INSYN2B: variants seen among roughly 807,000 people sequenced by gnomAD.
INSYN2B encodes protein INSYN2B.
INSYN2B carries 16 observed loss-of-function variants against 41.2 expected under a neutral mutation model. The observed-to-expected ratio is 0.39, with a 90% CI of 0.26 to 0.59. The LOEUF (loss-of-function observed/expected upper bound fraction) is 0.59, where lower values mean the gene tolerates loss of function less well. Among genes scored for constraint, INSYN2B ranks in the 20% least tolerant of loss-of-function variants. The probability of loss-of-function intolerance (pLI) is 0.57; values close to 1 mark genes in which losing one functional copy is unlikely to be tolerated. For missense variants in INSYN2B, 608 were observed against 646.4 expected (o/e 0.94, Z 0.64); for synonymous variants, 245 against 244.4 (o/e 1.00, Z -0.02).
rs1772874543 is a variant in INSYN2B, at chr5:169,884,823, G to C, written c.-918-7C>G. On this transcript the variant is annotated splice_polypyrimidine_tract_variant and splice_region_variant and intron_variant, in intron 1 of 3. Coordinates refer to ENST00000377365, the MANE Select transcript of INSYN2B (RefSeq NM_001129891.3). ...GCAAGCAGGCGAGGAGCACCTGAAA[G>C]GGAAGAGACAACAGTGGCCAATGAG... The C allele has an allele frequency of 6.6e-6, 1 of 152,264 alleles. No homozygotes were observed. The highest frequency in any genetic ancestry group is 1.5e-5 in the Non-Finnish European group (1 of 68,044). The allele number at this position is 152,264 out of a possible 1,614,324, so 9.4% of individuals were successfully genotyped here. A position where few individuals can be genotyped will look rare whatever the true frequency, so the allele number is the denominator to read the frequency against.
chr5:169,950,316 T>C (rs1776606914), intron 1 of INSYN2B, among the ~76,000 whole-genome samples: 1 of 152,168 alleles, frequency 6.6e-6, no homozygotes, highest in South Asian at 2.1e-4. Flanking sequence ...TAGGGTTGTT[T>C]TAGGATTAAG....
At chr5:169,890,896 C>T (rs996371100) in intron 1 of INSYN2B, among the ~76,000 whole-genome samples, 4 of 152,192 alleles carry the variant, frequency 2.6e-5, no homozygotes, top group Non-Finnish European at 5.9e-5. Flanking sequence ...CTGTCCTCCA[C>T]ACAGCAGCCA....
intron 3 of INSYN2B, among the ~76,000 whole-genome samples, chr5:169,864,774 G>T (rs1771434015): frequency 1.3e-5 from 2 of 152,148 alleles, no homozygotes; most frequent in Admixed American, 1.3e-4. Flanking sequence ...TTTGGCATGT[G>T]TTATGCATGA....
At chr5:169,969,639 G>C (rs1022363967) in intron 1 of INSYN2B, among the ~76,000 whole-genome samples, 2 of 152,208 alleles carry the variant, frequency 1.3e-5, no homozygotes, top group African/African-American at 4.8e-5. Context: ...GGCGGAGGCT[G>C]TAGGAAAGGT....
chr5:169,874,891 AG>A (rs33963710), intron 3 of INSYN2B, among the ~76,000 whole-genome samples: 28,771 of 152,036 alleles, frequency 0.19, 4,344 homozygotes, highest in African/African-American at 0.42. Flanking sequence ...CATTGGAAAC[AG>A]GAGGCATCAG....
rs34525811 is a variant in INSYN2B at position 169,874,410 on chromosome 5, CAA to C, written c.1421+6956_1421+6957del. Among the ~76,000 whole-genome samples, 403 of 72,036 alleles carry C rather than the reference CAA, an allele frequency of 5.6e-3. 3 individuals are homozygous for C. The highest frequency in any genetic ancestry group is 0.028 in the South Asian group (42 of 1,520). The allele number at this position is 72,036 out of a possible 152,430, so 47.3% of individuals were successfully genotyped here. On this transcript the variant is annotated intron_variant, in intron 3 of 3. Transcript: ENST00000377365. ...CCTAGGCGACAGTGAGACTCTGTCT[CAA>C]AAAAAAAAAAAAAAAAAAAAGCAAT...
chr5:169,910,757 A>C (rs1220445087), intron 1 of INSYN2B, among the ~76,000 whole-genome samples: 1 of 152,192 alleles, frequency 6.6e-6, no homozygotes, highest in African/African-American at 2.4e-5. Flanking sequence ...ACTGATGACT[A>C]AACTTTTTAG....
At chr5:169,908,705 T>C (rs1192808199) in intron 1 of INSYN2B, among the ~76,000 whole-genome samples, 1 of 133,496 alleles carries the variant, frequency 7.5e-6, no homozygotes, top group Non-Finnish European at 1.5e-5. Flanking sequence ...TTTTCTCTTT[T>C]CTTTTTTCTT....
At chr5:169,909,098 G>C (rs780364763) in intron 1 of INSYN2B, among the ~76,000 whole-genome samples, 3 of 152,184 alleles carry the variant, frequency 2.0e-5, no homozygotes, top group Non-Finnish European at 4.4e-5. Flanking sequence ...TGTGAGGAGA[G>C]TCTGTGGATG....
At chr5:169,913,516 G>T (rs752960494) in intron 1 of INSYN2B, among the ~76,000 whole-genome samples, 1 of 152,134 alleles carries the variant, frequency 6.6e-6, no homozygotes, top group Non-Finnish European at 1.5e-5. Flanking sequence ...TTGGGAGATG[G>T]TGTTTAAATG....
Position 169,963,640 on chromosome 5 carries a change from C to T in INSYN2B, c.-919+16637G>A, listed in dbSNP as rs374491775. ...AAGCAGGAGTTACTGATCTTTGCTA[C>T]CCAGAATGTTAACCCACCCCCTCAC... On this transcript the variant is annotated intron_variant, in intron 1 of 3. Transcript: ENST00000377365. Among the ~76,000 whole-genome samples the T allele has an allele frequency of 6.0e-4, 92 of 152,290 alleles. 2 individuals are homozygous for T. The highest frequency in any genetic ancestry group is 5.0e-3 in the South Asian group (24 of 4,822).
chr5:169,901,229 G>A (rs1239370374), intron 1 of INSYN2B, among the ~76,000 whole-genome samples: 1 of 152,158 alleles, frequency 6.6e-6, no homozygotes, highest in East Asian at 1.9e-4. Context: ...TGTGCACACT[G>A]GCTCTGATGC....
At chr5:169,934,705 G>A (rs1451578380) in intron 1 of INSYN2B, 1 of 456,144 alleles carries the variant, frequency 2.2e-6, no homozygotes, top group Non-Finnish European at 4.4e-6. Flanking sequence ...TATTAAATGT[G>A]ATAGTATCTG....
intron 1 of INSYN2B, among the ~76,000 whole-genome samples, chr5:169,952,470 C>T (rs1366106734): frequency 2.6e-5 from 4 of 152,046 alleles, no homozygotes; most frequent in African/African-American, 4.8e-5. Context: ...TGCCGCTGGT[C>T]TTATGCAGGT....
At chr5:169,978,402 G>A (rs1007649901) in intron 1 of INSYN2B, among the ~76,000 whole-genome samples, 1 of 136,852 alleles carries the variant, frequency 7.3e-6, no homozygotes, top group Non-Finnish European at 1.6e-5. Flanking sequence ...TGGGGGGGGG[G>A]GGGTGTAGGT....
chr5:169,947,072 A>G (rs1776482083), intron 1 of INSYN2B, among the ~76,000 whole-genome samples: 1 of 152,210 alleles, frequency 6.6e-6, no homozygotes. Context: ...AACCTGCAAC[A>G]TACGTTTATC....
intron 1 of INSYN2B, among the ~76,000 whole-genome samples, chr5:169,928,387 C>T (rs1374565748): frequency 2.6e-5 from 4 of 152,244 alleles, no homozygotes; most frequent in African/African-American, 7.2e-5. Flanking sequence ...TCTGGGTTTG[C>T]ACTGCTCTGC....
In INSYN2B at chr5:169,881,421, G is replaced by A. The variant is rs1359034939; in HGVS notation, c.1368C>T (p.Gly456=). The A allele has an allele frequency of 3.4e-5, 52 of 1,551,360 alleles. No individual in the cohort carries two copies. The highest frequency in any genetic ancestry group is 4.4e-5 in the Non-Finnish European group (51 of 1,146,852). Residue 456 remains glycine (G), a synonymous_variant, in exon 3 of 4, where the codon GGC becomes GGT. Coordinates refer to ENST00000377365, the MANE Select transcript of INSYN2B (RefSeq NM_001129891.3). ...AGGTACTGCAATTGTTGAGATCTTG[G>A]CCAGTTCGATAAAAGTTGCGCCTGC... ...LTEGRNFYRT[G]QDLNNCSTCQ... is the part of the protein sequence containing the mutation.
At chr5:169,901,345 A>G (rs541805041) in intron 1 of INSYN2B, among the ~76,000 whole-genome samples, 2 of 152,316 alleles carry the variant, frequency 1.3e-5, no homozygotes, top group Non-Finnish European at 2.9e-5. Flanking sequence ...GAGTGATGAT[A>G]TTGGTCCTGA....
Sources: allele counts gnomAD v4.1 joint callset (sites outside exome capture counted in the v4.1 genomes callset), GRCh38; gene constraint gnomAD v4.1.1; transcripts MANE v1.5; gene names NCBI Gene and HGNC (gene_info 2026-07-23, HGNC 2026-07-21).